Variants in PDE4D observed in about 807,000 individuals in gnomAD.
PDE4D encodes phosphodiesterase 4D, also known as 3',5'-cyclic-AMP phosphodiesterase 4D.
In PDE4D, 24 loss-of-function variants were observed where a neutral mutation model predicts 87.4. The observed-to-expected ratio is 0.27, with a 90% CI of 0.20 to 0.39. The LOEUF (loss-of-function observed/expected upper bound fraction) is 0.39, where lower values mean the gene tolerates loss of function less well. Ranked by LOEUF, PDE4D falls within the 10% of genes least tolerant of loss-of-function variation. The pLI is 1.00. For missense variants in PDE4D, 714 were observed against 1,041.0 expected (o/e 0.69, Z 4.32); for synonymous variants, 384 against 383.2 (o/e 1.00, Z -0.02).
In PDE4D at chr5:59,701,724, A is replaced by AC. The variant is rs199689800; in HGVS notation, c.455+191443dup. On this transcript the variant is annotated intron_variant, in intron 1 of 14. Transcript: ENST00000340635. ...GAGGTGAGGAGATGGTACCAGCAAGACAAGAAGGCTGTGTGGTGCATAGTT... is the reference window on the plus strand; with the variant it reads ...GAGGTGAGGAGATGGTACCAGCAAGACCAAGAAGGCTGTGTGGTGCATAGTT... Among the ~76,000 whole-genome samples the AC allele has an allele frequency of 6.9e-3, 1,056 of 152,330 alleles. 7 individuals are homozygous for AC. The highest frequency in any genetic ancestry group is 0.011 in the Non-Finnish European group (760 of 68,026).
At chr5:59,728,739 CT>C (rs1440048608) in intron 1 of PDE4D, among the ~76,000 whole-genome samples, 1 of 152,086 alleles carries the variant, frequency 6.6e-6, no homozygotes, top group African/African-American at 2.4e-5. Context: ...TGCACATCCT[CT>C]ATAGTTATAA....
intron 1 of PDE4D, among the ~76,000 whole-genome samples, chr5:60,293,826 G>A (rs934707813): frequency 2.6e-5 from 4 of 152,008 alleles, no homozygotes; most frequent in Non-Finnish European, 4.4e-5. Context: ...GACAAAATTT[G>A]TTTATTGATT....
At chr5:59,392,520 T>G (rs1208062469) in intron 1 of PDE4D, among the ~76,000 whole-genome samples, 1 of 149,776 alleles carries the variant, frequency 6.7e-6, no homozygotes, top group Admixed American at 6.6e-5. Context: ...TATATATATA[T>G]ATATTCCATT....
At chr5:59,860,837 C>A (rs58857507) in intron 1 of PDE4D, among the ~76,000 whole-genome samples, 3,901 of 151,472 alleles carry the variant, frequency 0.026, 165 homozygotes, top group African/African-American at 0.09. Context: ...CCTTGTTGTT[C>A]GAACTTTTTT....
intron 5 of PDE4D, among the ~76,000 whole-genome samples, chr5:59,090,307 C>G (rs191056470): frequency 1.1e-4 from 17 of 152,228 alleles, no homozygotes; most frequent in African/African-American, 4.1e-4. Context: ...AAATTTTACA[C>G]CATGTCTAGT....
At chr5:60,388,366 G>A (rs1422265185) in intron 1 of PDE4D, among the ~76,000 whole-genome samples, 1 of 150,756 alleles carries the variant, frequency 6.6e-6, no homozygotes, top group Non-Finnish European at 1.5e-5. Context: ...AGGGTATTTT[G>A]GTTTTTTGGG....
intron 1 of PDE4D, among the ~76,000 whole-genome samples, chr5:60,484,221 A>C (rs1748955317): frequency 6.6e-6 from 1 of 151,302 alleles, no homozygotes; most frequent in Non-Finnish European, 1.5e-5. Context: ...AACATCTGTC[A>C]GTCTAAATTT....
chr5:59,108,890 G>C (rs1426226982), intron 5 of PDE4D, among the ~76,000 whole-genome samples: 2 of 135,726 alleles, frequency 1.5e-5, no homozygotes, highest in Non-Finnish European at 3.1e-5. Flanking sequence ...CTGGGTGACA[G>C]AGTGAGATTC....
At chr5:59,245,584 A>G (rs1424027936) in intron 1 of PDE4D, among the ~76,000 whole-genome samples, 3 of 152,144 alleles carry the variant, frequency 2.0e-5, no homozygotes, top group Non-Finnish European at 4.4e-5. Flanking sequence ...TACCAAATCA[A>G]AAACTTCTAC....
intron 5 of PDE4D, among the ~76,000 whole-genome samples, chr5:59,141,378 G>A (rs772851954): frequency 1.3e-5 from 2 of 152,192 alleles, no homozygotes; most frequent in Non-Finnish European, 2.9e-5. Context: ...GAGGCCAAGA[G>A]AAGTGAAATA....
At chr5:60,093,399 C>A (rs1004392167) in intron 2 of PDE4D, among the ~76,000 whole-genome samples, 12 of 152,156 alleles carry the variant, frequency 7.9e-5, no homozygotes, top group Non-Finnish European at 1.6e-4. Flanking sequence ...CTCTGCTTTC[C>A]ACTTGTTCCT....
chr5:59,861,596 G>A (rs1025403546), intron 1 of PDE4D, among the ~76,000 whole-genome samples: 4 of 152,126 alleles, frequency 2.6e-5, no homozygotes, highest in South Asian at 2.1e-4. Context: ...GAGGAGTAGC[G>A]CTCTACTTTT....
At chr5:59,740,481 T>A (rs1466513271) in intron 1 of PDE4D, among the ~76,000 whole-genome samples, 1 of 152,204 alleles carries the variant, frequency 6.6e-6, no homozygotes, top group African/African-American at 2.4e-5. Context: ...AACACATTTA[T>A]ACCTTGTAAA....
intron 6 of PDE4D, among the ~76,000 whole-genome samples, chr5:59,003,005 A>T (rs558983961): frequency 3.3e-5 from 5 of 152,176 alleles, no homozygotes; most frequent in Non-Finnish European, 7.3e-5. Flanking sequence ...ACTAATATTT[A>T]AAAAAATTCT....
chr5:59,894,948 T>C (rs905149713), upstream of PDE4D, among the ~76,000 whole-genome samples: 10 of 152,348 alleles, frequency 6.6e-5, no homozygotes, highest in South Asian at 2.1e-3. Flanking sequence ...TGCAATTTGC[T>C]TACTGTTAAA....
At chr5:60,391,335 G>A (rs1044342268) in intron 1 of PDE4D, among the ~76,000 whole-genome samples, 2 of 152,170 alleles carry the variant, frequency 1.3e-5, no homozygotes, top group African/African-American at 4.8e-5. Flanking sequence ...CCGCAGATTA[G>A]TTTCCTACTG....
intron 1 of PDE4D, among the ~76,000 whole-genome samples, chr5:59,455,793 C>T (rs1190068258): frequency 1.3e-5 from 2 of 152,224 alleles, no homozygotes; most frequent in African/African-American, 4.8e-5. Flanking sequence ...CATGGGAACC[C>T]ACCCTTTGCG....
chr5:60,241,874 A>G (rs1056810920), intron 1 of PDE4D, among the ~76,000 whole-genome samples: 1 of 152,140 alleles, frequency 6.6e-6, no homozygotes, highest in Non-Finnish European at 1.5e-5. Context: ...TCAAACTCCC[A>G]AAAGCTATGG....
intron 1 of PDE4D, among the ~76,000 whole-genome samples, chr5:59,337,117 A>G (rs541450368): frequency 5.9e-5 from 9 of 152,266 alleles, no homozygotes; most frequent in Non-Finnish European, 1.0e-4. Flanking sequence ...CAAAAAGAGG[A>G]GAAGGATGAA....
Sources: gnomAD v4.1 joint callset for allele counts (sites outside exome capture counted in the v4.1 genomes callset) on GRCh38, gnomAD v4.1.1 for gene constraint, MANE v1.5 for transcripts, NCBI Gene and HGNC (gene_info 2026-07-23, HGNC 2026-07-21) for gene names.